Variants in R3HDM2 observed in about 807,000 individuals in gnomAD.
R3HDM2 encodes the protein R3H domain-containing protein 2.
In R3HDM2, 38 loss-of-function variants were observed where a neutral mutation model predicts 124.5. That is an observed-to-expected ratio of 0.31 (90% confidence interval 0.24 to 0.40). R3HDM2 has a LOEUF of 0.40. R3HDM2 is among the 10% of genes least tolerant of loss of function. The pLI is 1.00. For missense variants in R3HDM2, 869 were observed against 1,236.9 expected (o/e 0.70, Z 4.46); for synonymous variants, 391 against 448.0 (o/e 0.87, Z 1.61).
At chr12:57,372,027 C>A (rs901032614) in intron 2 of R3HDM2, among the ~76,000 whole-genome samples, 2 of 152,104 alleles carry the variant, frequency 1.3e-5, no homozygotes, top group African/African-American at 4.8e-5. Context: ...ACCAACACAC[C>A]GGGCTAATTT....
intron 2 of R3HDM2, among the ~76,000 whole-genome samples, chr12:57,372,763 T>C (rs2063530462): frequency 6.6e-6 from 1 of 152,240 alleles, no homozygotes; most frequent in Admixed American, 6.5e-5. Flanking sequence ...AGTACTGAGA[T>C]AGCACTCAAT....
At chr12:57,388,385 ATATT>A (rs1566451652) in intron 2 of R3HDM2, among the ~76,000 whole-genome samples, 1 of 152,266 alleles carries the variant, frequency 6.6e-6, no homozygotes, top group African/African-American at 2.4e-5. Context: ...AAAGAAAGGC[ATATT>A]TATTTATTAG....
chr12:57,258,776 G>T, intron 20 of R3HDM2, 114 bp downstream of exon 20: 2 of 1,052,754 alleles, frequency 1.9e-6, no homozygotes, highest in Non-Finnish European at 2.6e-6. Flanking sequence ...TTTCTCCCCA[G>T]AAAGTACCCA....
intron 2 of R3HDM2, among the ~76,000 whole-genome samples, chr12:57,321,692 C>G (rs2056474096): frequency 6.6e-6 from 1 of 151,932 alleles, no homozygotes; most frequent in Admixed American, 6.6e-5. Context: ...GGATGGATCT[C>G]AAAACTACTA....
intron 2 of R3HDM2, among the ~76,000 whole-genome samples, chr12:57,330,384 C>G (rs530306143): frequency 2.6e-4 from 39 of 151,772 alleles, no homozygotes; most frequent in African/African-American, 9.2e-4. Context: ...GCTCTCGTTG[C>G]CCCGGCTGGA....
chr12:57,329,296 T>C (rs2057775858), intron 2 of R3HDM2, among the ~76,000 whole-genome samples: 1 of 152,198 alleles, frequency 6.6e-6, no homozygotes, highest in African/African-American at 2.4e-5. Flanking sequence ...CTCTACAATG[T>C]AGGAGACAAC....
chr12:57,262,295 GCTATTT>G (rs531473840), intron 19 of R3HDM2, among the ~76,000 whole-genome samples: 6 of 152,112 alleles, frequency 3.9e-5, no homozygotes, highest in Non-Finnish European at 8.8e-5. Context: ...TATGTGAGAG[GCTATTT>G]CTGTATGCAT....
intron 2 of R3HDM2, among the ~76,000 whole-genome samples, chr12:57,385,927 T>C (rs1386256157): frequency 6.6e-6 from 1 of 152,140 alleles, no homozygotes; most frequent in Non-Finnish European, 1.5e-5. Context: ...TATGGTAGCA[T>C]TTTCCAGAAG....
At chr12:57,338,259 C>T (rs553494019) in intron 2 of R3HDM2, among the ~76,000 whole-genome samples, 32 of 152,146 alleles carry the variant, frequency 2.1e-4, no homozygotes, top group Non-Finnish European at 3.7e-4. Flanking sequence ...GCCAAGATCG[C>T]ACCATTGCAC....
chr12:57,413,607 G>A (rs1302495727), intron 1 of R3HDM2, among the ~76,000 whole-genome samples: 1 of 151,400 alleles, frequency 6.6e-6, no homozygotes, highest in Non-Finnish European at 1.5e-5. Flanking sequence ...ATGGTGGCGG[G>A]CACCTGTAAT....
At chr12:57,273,431 T>C (rs1011005489) in intron 14 of R3HDM2, among the ~76,000 whole-genome samples, 2 of 152,124 alleles carry the variant, frequency 1.3e-5, no homozygotes, top group African/African-American at 4.8e-5. Context: ...TCTCCAGTCA[T>C]AGTCCCTGGT....
chr12:57,320,130 C>T (rs1374069118), intron 2 of R3HDM2, among the ~76,000 whole-genome samples: 5 of 151,004 alleles, frequency 3.3e-5, no homozygotes, highest in East Asian at 1.9e-4. Flanking sequence ...GGTGGTGGTG[C>T]GTGCCTGCTA....
At chr12:57,369,409 G>A (rs1184333585) in intron 2 of R3HDM2, among the ~76,000 whole-genome samples, 1 of 152,156 alleles carries the variant, frequency 6.6e-6, no homozygotes, top group Non-Finnish European at 1.5e-5. Context: ...ACATCATCAG[G>A]CCATCAGGGA....
chr12:57,362,522 A>C (rs1354446153), intron 2 of R3HDM2, among the ~76,000 whole-genome samples: 2 of 152,236 alleles, frequency 1.3e-5, no homozygotes, highest in Non-Finnish European at 2.9e-5. Context: ...TCTAGTCAAC[A>C]GTAGACGATT....
intron 12 of R3HDM2, among the ~76,000 whole-genome samples, chr12:57,285,678 A>T (rs1026419229): frequency 2.0e-5 from 3 of 152,180 alleles, no homozygotes; most frequent in African/African-American, 7.2e-5. Flanking sequence ...CACTAAGAGG[A>T]GTCAATAAAA....
intron 11 of R3HDM2, 55 bp downstream of exon 11, chr12:57,292,517 C>A: frequency 3.2e-6 from 4 of 1,233,182 alleles, no homozygotes; most frequent in Non-Finnish European, 4.6e-6. Flanking sequence ...ATTCACAGTT[C>A]CAATGATTAA....
In R3HDM2 at chr12:57,407,932, A is replaced by T. The variant is rs1440043763; in HGVS notation, c.-105-12114T>A. 2.0e-5 allele frequency among the ~76,000 whole-genome samples: 3 copies of T among 150,484 alleles called. No homozygotes were observed. In the South Asian group the frequency reaches 6.3e-4, roughly 32 times the overall value. The stretch of plus-strand genomic sequence containing the variant: ...AGGTGCGTGCCACCACATCCAGCTA[A>T]TTTTTTGTTTTTCTGATGGTGGAGT... On this transcript the variant is annotated intron_variant, in intron 1 of 23. Coordinates refer to ENST00000402412, the MANE Select transcript of R3HDM2 (RefSeq NM_001394031.1).
At chr12:57,386,310 A>G (rs1225818995) in intron 2 of R3HDM2, among the ~76,000 whole-genome samples, 1 of 152,146 alleles carries the variant, frequency 6.6e-6, no homozygotes, top group Non-Finnish European at 1.5e-5. Context: ...GGAGGTGTGG[A>G]CGGAGAGGCA....
At chr12:57,401,993 A>G (rs2068089508) in intron 1 of R3HDM2, among the ~76,000 whole-genome samples, 2 of 151,460 alleles carry the variant, frequency 1.3e-5, no homozygotes, top group South Asian at 4.2e-4. Context: ...CAAAAAAATA[A>G]AAGAAAAAGT....
Sources: gnomAD v4.1 joint callset for allele counts (sites outside exome capture counted in the v4.1 genomes callset) on GRCh38, gnomAD v4.1.1 for gene constraint, MANE v1.5 for transcripts, NCBI Gene and HGNC (gene_info 2026-07-23, HGNC 2026-07-21) for gene names.